Variants in COL28A1 observed in about 807,000 individuals in gnomAD.
The protein encoded by COL28A1 is collagen alpha-1(XXVIII) chain.
COL28A1 carries 161 observed loss-of-function variants against 150.2 expected under a neutral mutation model. The ratio of observed to expected loss-of-function variants is 1.07; its 90% CI spans 0.94 to 1.22. The LOEUF is 1.22. COL28A1 is among the 50% of genes most tolerant of loss of function. The pLI is 0.00. For synonymous variants in COL28A1, 552 were observed against 469.7 expected, an observed-to-expected ratio of 1.18 and a Z score of -2.26; for missense variants, 1,617 against 1,388.3, an observed-to-expected ratio of 1.16 and a Z score of -2.62.
intron 1 of COL28A1, among the ~76,000 whole-genome samples, chr7:7,535,332 C>T (rs575598735): frequency 2.6e-5 from 4 of 152,096 alleles, no homozygotes; most frequent in South Asian, 4.2e-4. Context: ...TCAGAGTTCA[C>T]CAACTTTAGT....
chr7:7,343,225 T>C, the COL28A1 span, among the ~76,000 whole-genome samples: 3 of 152,022 alleles, frequency 2.0e-5, no homozygotes, highest in Admixed American at 6.6e-5. Context: ...ACTGGGATTC[T>C]TGAACTTTTA....
At chr7:7,477,722 G>A (rs915505770) in intron 13 of COL28A1, among the ~76,000 whole-genome samples, 1 of 152,188 alleles carries the variant, frequency 6.6e-6, no homozygotes, top group African/African-American at 2.4e-5. Context: ...ACAGTTAACA[G>A]CAGTAAGATA....
chr7:7,340,670 G>C, the COL28A1 span, among the ~76,000 whole-genome samples: 1 of 151,852 alleles, frequency 6.6e-6, no homozygotes, highest in Admixed American at 6.6e-5. Context: ...CCCTAAGCAA[G>C]ATCTTGATTC....
In COL28A1 at chr7:7,531,771, G is replaced by T. The variant is rs1405468591; in HGVS notation, c.258C>A (p.Ser86=). 1 of 1,606,444 alleles carries T rather than the reference G, an allele frequency of 6.2e-7. No homozygotes were observed. Among genetic ancestry groups the T allele is most frequent in the Non-Finnish European group, 8.5e-7 (1 of 1,173,172 alleles). ...DKIFQLTPGR[S]LEYDIKLAAL... Reference sequence around the variant, plus strand: ...CTGCCAGTTTGATGTCATATTCCAAGGAGCGACCAGGAGTCAATTGGAAAA... The same window carrying T: ...CTGCCAGTTTGATGTCATATTCCAATGAGCGACCAGGAGTCAATTGGAAAA... Residue 86 remains serine, a synonymous_variant, in exon 3 of 35, where the codon TCC becomes TCA. Transcript: ENST00000399429.
chr7:7,374,038 A>AAAAATATATATAT, intron 31 of COL28A1, among the ~76,000 whole-genome samples: 3 of 113,658 alleles, frequency 2.6e-5, no homozygotes, highest in Admixed American at 8.9e-5. Context: ...AAAAAAAAAA[A>AAAAATATATATAT]ATATATATAT....
the COL28A1 span, among the ~76,000 whole-genome samples, chr7:7,345,475 C>T: frequency 1.3e-5 from 2 of 152,054 alleles, no homozygotes; most frequent in South Asian, 4.1e-4. Context: ...AAATTACCAT[C>T]TGGTATAATT....
At chr7:7,412,234 G>A (rs1230732829) in intron 27 of COL28A1, among the ~76,000 whole-genome samples, 1 of 152,092 alleles carries the variant, frequency 6.6e-6, no homozygotes, top group Non-Finnish European at 1.5e-5. Context: ...CCTGCTGGGT[G>A]TAAGTGATAA....
At chr7:7,355,442 C>T (rs112117278), downstream of COL28A1, among the ~76,000 whole-genome samples, 3,129 of 151,910 alleles carry the variant, frequency 0.021, 102 homozygotes, top group African/African-American at 0.071. Flanking sequence ...AAACCCCACT[C>T]CTACTAAAAA....
At chr7:7,486,088 C>T (rs757272856) in intron 13 of COL28A1, among the ~76,000 whole-genome samples, 70 of 152,120 alleles carry the variant, frequency 4.6e-4, no homozygotes, top group South Asian at 1.0e-3. Flanking sequence ...AATCTGTAAA[C>T]ATGCCTCTAA....
Position 7,392,254 on chromosome 7 carries a change from T to A in COL28A1, c.2137-10642A>T, listed in dbSNP as rs185427453. The stretch of plus-strand genomic sequence containing the variant: ...ACTTGTGAAGCTTAGTTTGGCTGGA[T>A]ATGAAATTCTGGGTTGAAAATTCTT... On this transcript the variant is annotated intron_variant, in intron 27 of 34. Coordinates refer to ENST00000399429, the MANE Select transcript of COL28A1 (RefSeq NM_001037763.3). 8.4e-3 allele frequency among the ~76,000 whole-genome samples: 1,283 copies of A among 152,320 alleles called. 22 individuals are homozygous for A. Among genetic ancestry groups the A allele is most frequent in the Admixed American group, 0.051 (775 of 15,300 alleles).
At chr7:7,374,660 G>A (rs1413630836) in intron 31 of COL28A1, among the ~76,000 whole-genome samples, 3 of 152,116 alleles carry the variant, frequency 2.0e-5, no homozygotes, top group African/African-American at 7.2e-5. Flanking sequence ...TGTTCAACAA[G>A]CCTGCCACAG....
At chr7:7,478,549 C>T (rs1485536165) in intron 13 of COL28A1, among the ~76,000 whole-genome samples, 1 of 152,268 alleles carries the variant, frequency 6.6e-6, no homozygotes, top group East Asian at 1.9e-4. Context: ...CGCCCACACT[C>T]CTCAGCCCTT....
At chr7:7,494,678 G>C (rs1780109393) in intron 11 of COL28A1, among the ~76,000 whole-genome samples, 1 of 152,130 alleles carries the variant, frequency 6.6e-6, no homozygotes, top group Admixed American at 6.5e-5. Context: ...CCTAATCACA[G>C]ACATAAATCA....
intron 15 of COL28A1, among the ~76,000 whole-genome samples, chr7:7,457,834 G>A (rs78339823): frequency 0.017 from 2,598 of 152,232 alleles, 64 homozygotes; most frequent in African/African-American, 0.054. Flanking sequence ...AGAATTGACC[G>A]CTGGATTGAG....
intron 14 of COL28A1, among the ~76,000 whole-genome samples, chr7:7,475,065 G>A (rs927376985): frequency 2.0e-5 from 3 of 151,974 alleles, no homozygotes; most frequent in South Asian, 2.1e-4. Context: ...TTTATTTCTC[G>A]TACTAATATG....
At chr7:7,516,617 T>C (rs182535476) in intron 7 of COL28A1, among the ~76,000 whole-genome samples, 114 of 152,338 alleles carry the variant, frequency 7.5e-4, no homozygotes, top group Middle Eastern at 6.8e-3. Context: ...ACAGCTATAT[T>C]TTTCAAATAT....
intron 27 of COL28A1, among the ~76,000 whole-genome samples, chr7:7,393,093 G>A (rs1254058791): frequency 6.6e-6 from 1 of 152,132 alleles, no homozygotes; most frequent in African/African-American, 2.4e-5. Flanking sequence ...CATCTTCATG[G>A]ATTTATCTAC....
Position 7,383,284 on chromosome 7 carries a change from GTGTGTTTT to G in COL28A1, c.2137-1680_2137-1673del, listed in dbSNP as rs774485853. Among the ~76,000 whole-genome samples the G allele has an allele frequency of 2.0e-3, 236 of 115,732 alleles. 3 individuals are homozygous for G. In the East Asian group the frequency reaches 0.029, roughly 14 times the overall value. The allele number at this position is 115,732 out of a possible 152,430, so 75.9% of individuals were successfully genotyped here. A position where few individuals can be genotyped will look rare whatever the true frequency, so the allele number is the denominator to read the frequency against. On this transcript the variant is annotated intron_variant, in intron 27 of 34. Transcript: ENST00000399429. Reference sequence around the variant, plus strand: ...TGTGTGTGTGTGTGTGTGTGTGTGTGTGTGTTTTTTTTGAGACAGAGTCTCACTCTGTC... The same window carrying G: ...TGTGTGTGTGTGTGTGTGTGTGTGTGTTTTGAGACAGAGTCTCACTCTGTC...
intron 20 of COL28A1, 93 bp downstream of exon 20, chr7:7,443,492 T>A: frequency 6.4e-7 from 1 of 1,558,626 alleles, no homozygotes; most frequent in South Asian, 1.2e-5. Flanking sequence ...CACATTGACA[T>A]AGTAAGAATA....
Sources: allele counts gnomAD v4.1 joint callset (sites outside exome capture counted in the v4.1 genomes callset), GRCh38; gene constraint gnomAD v4.1.1; transcripts MANE v1.5; gene names NCBI Gene and HGNC (gene_info 2026-07-23, HGNC 2026-07-21).